OTOG: variants seen among roughly 807,000 people sequenced by gnomAD.
OTOG encodes otogelin.
A neutral mutation model predicts 313.8 loss-of-function variants in OTOG; 296 were observed. The observed-to-expected ratio is 0.94, with a 90% CI of 0.86 to 1.04. The LOEUF is 1.04. Among genes scored for constraint, OTOG ranks in the 50% least tolerant of loss-of-function variants. The probability of loss-of-function intolerance (pLI) is 0.00; values close to 1 mark genes in which losing one functional copy is unlikely to be tolerated. For synonymous variants in OTOG, 1,533 were observed against 1,554.9 expected, an observed-to-expected ratio of 0.99 and a Z score of 0.33; for missense variants, 3,948 against 3,840.1, an observed-to-expected ratio of 1.03 and a Z score of -0.74.
intron 54 of OTOG, among the ~76,000 whole-genome samples, chr11:17,644,450 G>A (rs371784110): frequency 6.6e-6 from 1 of 152,272 alleles, no homozygotes; most frequent in East Asian, 1.9e-4. Context: ...GGGTTACAGA[G>A]TGAGTGCACG....
At position 17,610,305 on chromosome 11, in the gene OTOG, A is replaced by G. The variant is rs1853497600; in HGVS notation, c.5005A>G (p.Thr1669Ala). ...TSSGSHKAVL[T>A]PAVTKVISRT... The stretch of plus-strand genomic sequence containing the variant: ...CTCGGGATCCCACAAGGCTGTGCTG[A>G]CACCTGCAGTAACTAAGGTCATAAG... Residue 1669 changes from threonine to alanine, a missense_variant, in exon 36 of 56, where the codon ACA becomes GCA. Transcript: ENST00000399397. The G allele has an allele frequency of 6.4e-7, 1 of 1,550,532 alleles. No individual in the cohort carries two copies. The highest frequency in any genetic ancestry group is 1.2e-5 in the South Asian group (1 of 84,054).
In OTOG at chr11:17,610,746, T is replaced by C; in HGVS notation, c.5446T>C (p.Ser1816Pro). 1 of 1,549,960 alleles carries C rather than the reference T, an allele frequency of 6.5e-7. No individual in the cohort carries two copies. Among genetic ancestry groups the C allele is most frequent in the Non-Finnish European group, 8.7e-7 (1 of 1,146,974 alleles). The change falls in exon 36 of 56, where the codon TCT becomes CCT. Residue 1816 changes from serine (S) to proline (P), a missense_variant. Coordinates refer to ENST00000399397, the MANE Select transcript of OTOG (RefSeq NM_001292063.2). ...TSLPLAKVGT[S>P]APVATPGPKA... The stretch of plus-strand genomic sequence containing the variant: ...CCTGCCCCTGGCCAAGGTGGGCACA[T>C]CTGCCCCAGTGGCCACACCCGGCCC...
At chr11:17,573,754 C>A (rs1437717437) in intron 19 of OTOG, among the ~76,000 whole-genome samples, 1 of 152,190 alleles carries the variant, frequency 6.6e-6, no homozygotes, top group African/African-American at 2.4e-5. Flanking sequence ...CCTCTGTGTC[C>A]CCAGCTCTGG....
At chr11:17,566,778 T>TATA (rs1476050477) in intron 15 of OTOG, among the ~76,000 whole-genome samples, 1 of 152,260 alleles carries the variant, frequency 6.6e-6, no homozygotes, top group Non-Finnish European at 1.5e-5. Context: ...CCTTTAGTCT[T>TATA]ATAAATTCTA....
Position 17,597,012 on chromosome 11 carries a change from G to A in OTOG, c.3682+5G>A, listed in dbSNP as rs1853127210. On this transcript the variant is annotated splice_donor_5th_base_variant and intron_variant, in intron 30 of 55. Transcript: ENST00000399397. Reference sequence around the variant, plus strand: ...GGCGAACCCCCCGCCTCTGCCGTGAGTGTCCCAGACAATCACCTGAGGGGA... The same window carrying A: ...GGCGAACCCCCCGCCTCTGCCGTGAATGTCCCAGACAATCACCTGAGGGGA... 6.5e-7 allele frequency: 1 copy of A among 1,549,844 alleles called. No individual in the cohort carries two copies.
intron 33 of OTOG, among the ~76,000 whole-genome samples, chr11:17,607,803 C>G (rs1248940273): frequency 6.6e-6 from 1 of 152,008 alleles, no homozygotes; most frequent in Non-Finnish European, 1.5e-5. Context: ...CCAGTGCCTC[C>G]CCTCACCCTG....
At chr11:17,549,694 G>A (rs949801582) in intron 3 of OTOG, among the ~76,000 whole-genome samples, 1 of 152,158 alleles carries the variant, frequency 6.6e-6, no homozygotes, top group Admixed American at 6.5e-5. Context: ...TCATTTCCCT[G>A]TGGGTATCCT....
intron 22 of OTOG, among the ~76,000 whole-genome samples, chr11:17,577,495 T>G (rs1445965487): frequency 1.3e-5 from 2 of 152,038 alleles, no homozygotes; most frequent in Non-Finnish European, 2.9e-5. Flanking sequence ...ATACAGTAGG[T>G]GGTTAGGAGC....
intron 24 of OTOG, among the ~76,000 whole-genome samples, chr11:17,590,090 C>T (rs1407534356): frequency 1.3e-5 from 2 of 152,178 alleles, no homozygotes; most frequent in Admixed American, 6.5e-5. Flanking sequence ...GGTGAACTCT[C>T]CCAATCTCAT....
Position 17,602,304 on chromosome 11 carries a change from G to A in OTOG, c.3804G>A (p.Arg1268=). The A allele has an allele frequency of 6.4e-7, 1 of 1,550,604 alleles. No individual in the cohort carries two copies. The highest frequency in any genetic ancestry group is 8.7e-7 in the Non-Finnish European group (1 of 1,146,958). ...TGGGCGATGACATAGTCCTAGTGAG[G>A]ACAGAGGATGTGGCGCCAGCAGACA... is the stretch of plus-strand genomic sequence containing the variant. ...KAVGDDIVLV[R]TEDVAPADIV... Residue 1268 remains arginine (R), a synonymous_variant, in exon 32 of 56, where the codon AGG becomes AGA. Transcript: ENST00000399397.
At chr11:17,551,444 A>G (rs1324285506) in intron 3 of OTOG, among the ~76,000 whole-genome samples, 1 of 152,078 alleles carries the variant, frequency 6.6e-6, no homozygotes, top group Admixed American at 6.5e-5. Flanking sequence ...TCAGGGCAGG[A>G]GTCCTGACTG....
chr11:17,553,547 A>C, intron 6 of OTOG, 28 bp downstream of exon 6: 1 of 1,415,680 alleles, frequency 7.1e-7, no homozygotes, highest in Non-Finnish European at 9.2e-7. Context: ...TTGCCTGTCC[A>C]GGAATGCTTC....
intron 24 of OTOG, among the ~76,000 whole-genome samples, chr11:17,590,855 T>G (rs1292205367): frequency 6.6e-6 from 1 of 152,188 alleles, no homozygotes; most frequent in African/African-American, 2.4e-5. Context: ...GAGTTAACTC[T>G]GTCACCTCCT....
At chr11:17,633,462 AACAG>A (rs1436434943) in intron 42 of OTOG, among the ~76,000 whole-genome samples, 1 of 152,216 alleles carries the variant, frequency 6.6e-6, no homozygotes, top group African/African-American at 2.4e-5. Flanking sequence ...TATTTGTGAA[AACAG>A]ACAGTGGGCT....
chr11:17,569,888 G>T (rs1437671740), intron 16 of OTOG, among the ~76,000 whole-genome samples: 1 of 152,226 alleles, frequency 6.6e-6, no homozygotes, highest in Non-Finnish European at 1.5e-5. Context: ...AGAATGGGTA[G>T]TTACAGAATC....
intron 39 of OTOG, among the ~76,000 whole-genome samples, chr11:17,620,835 A>G (rs1853847777): frequency 6.6e-6 from 1 of 152,116 alleles, no homozygotes; most frequent in African/African-American, 2.4e-5. Flanking sequence ...CATTTCAGAT[A>G]GTATTTATTG....
In OTOG at chr11:17,610,000, C is replaced by T; in HGVS notation, c.4700C>T (p.Ser1567Phe). Reference protein sequence around the residue: ...SLLAIPHTPESSSLPVALQTP... With the variant: ...SLLAIPHTPEFSSLPVALQTP... ...CTGGCCATCCCCCATACACCAGAGT[C>T]CTCATCCCTCCCTGTTGCACTGCAG... is the stretch of plus-strand genomic sequence containing the variant. Residue 1567 changes from serine (S) to phenylalanine (F), a missense_variant, in exon 36 of 56, where the codon TCC (serine) becomes TTC (phenylalanine). Physicochemically the swap from Ser to Phe is radical, Grantham distance 155. Coordinates refer to ENST00000399397, the MANE Select transcript of OTOG (RefSeq NM_001292063.2). The T allele has an allele frequency of 1.3e-6, 2 of 1,544,360 alleles. No individual in the cohort carries two copies. Among genetic ancestry groups the T allele is most frequent in the East Asian group, 2.5e-5 (1 of 40,764 alleles).
At chr11:17,588,731 C>T (rs992298259) in intron 24 of OTOG, among the ~76,000 whole-genome samples, 7 of 152,064 alleles carry the variant, frequency 4.6e-5, no homozygotes, top group Admixed American at 2.6e-4. Flanking sequence ...TAGTATCTCC[C>T]GACATCTCAG....
chr11:17,599,789 G>C, intron 31 of OTOG, 92 bp downstream of exon 31: 1 of 1,439,198 alleles, frequency 6.9e-7, no homozygotes, highest in Non-Finnish European at 9.5e-7. Flanking sequence ...CCGAGGCGCT[G>C]CTGGCCCTGG....
Sources: allele counts gnomAD v4.1 joint callset (sites outside exome capture counted in the v4.1 genomes callset), GRCh38; gene constraint gnomAD v4.1.1; transcripts MANE v1.5; gene names NCBI Gene and HGNC (gene_info 2026-07-23, HGNC 2026-07-21).